The following BORA variants were observed in gnomAD, a reference collection of about 807,000 sequenced individuals.
The protein encoded by BORA is protein aurora borealis.
BORA carries 26 observed loss-of-function variants against 55.8 expected under a neutral mutation model. The observed-to-expected ratio is 0.47, with a 90% CI of 0.34 to 0.65. The LOEUF (loss-of-function observed/expected upper bound fraction) is 0.65. Among genes scored for constraint, BORA ranks in the 30% least tolerant of loss-of-function variants. The pLI is 0.01. For synonymous variants in BORA, 201 were observed against 216.9 expected, an observed-to-expected ratio of 0.93 and a Z score of 0.64; for missense variants, 568 against 671.5, an observed-to-expected ratio of 0.85 and a Z score of 1.70.
chr13:72,741,856 GAT>G (rs1335837993), intron 5 of BORA, among the ~76,000 whole-genome samples: 5 of 152,144 alleles, frequency 3.3e-5, no homozygotes, highest in African/African-American at 1.2e-4. Context: ...GAGAGCATAA[GAT>G]AATACCTAGA....
At chr13:72,755,044 GT>G in intron 11 of BORA, 106 bp from the exon 12 acceptor site, 3 of 843,128 alleles carry the variant, frequency 3.6e-6, no homozygotes, top group Non-Finnish European at 5.9e-6. Flanking sequence ...TCCCTTCAGA[GT>G]TCAGCTAAAG....
chr13:72,744,652 G>A (rs1244232331), intron 7 of BORA, 91 bp downstream of exon 7: 6 of 956,020 alleles, frequency 6.3e-6, no homozygotes, highest in Non-Finnish European at 9.6e-6. Flanking sequence ...GGAAATATGT[G>A]GCAGTGCCTC....
chr13:72,754,043 G>A, intron 11 of BORA: 1 of 434,794 alleles, frequency 2.3e-6, no homozygotes, highest in Non-Finnish European at 4.0e-6. Flanking sequence ...TGTATTTGAT[G>A]AGGGCATTTA....
chr13:72,733,562 A>G (rs1022436352), intron 3 of BORA, among the ~76,000 whole-genome samples: 3 of 152,224 alleles, frequency 2.0e-5, no homozygotes, highest in African/African-American at 7.2e-5. Flanking sequence ...CTGATGAAGT[A>G]GCAAAAGGTT....
At chr13:72,728,732 C>T (rs926007812) in intron 1 of BORA, among the ~76,000 whole-genome samples, 194 bp from the exon 2 acceptor site, 2 of 152,110 alleles carry the variant, frequency 1.3e-5, no homozygotes, top group African/African-American at 4.8e-5. Flanking sequence ...ACTGCTATAG[C>T]TTTCAAGGTT....
intron 4 of BORA, among the ~76,000 whole-genome samples, chr13:72,736,534 T>G (rs2032931649): frequency 6.6e-6 from 1 of 152,184 alleles, no homozygotes; most frequent in Non-Finnish European, 1.5e-5. Flanking sequence ...CTTAGAAATT[T>G]TTGATAACCA....
chr13:72,746,795 G>GT lies in BORA; in HGVS notation c.1167dup (p.Asn390Ter). ...GCTGGAATACACCTACGGCAGTTTA[G>GT]TAATGAGGCTTCTACCCATGGTACA... is the stretch of plus-strand genomic sequence containing the variant. On this transcript the variant is annotated frameshift_variant, in exon 10 of 12. Coordinates refer to ENST00000390667, the MANE Select transcript of BORA (RefSeq NM_024808.5). LOFTEE classifies it high-confidence loss of function. 6.2e-7 allele frequency: 1 copy of GT among 1,614,146 alleles called. No individual in the cohort carries two copies. The highest frequency in any genetic ancestry group is 8.5e-7 in the Non-Finnish European group (1 of 1,180,002).
At chr13:72,742,850 T>C (rs1314850679) in intron 5 of BORA, among the ~76,000 whole-genome samples, 1 of 151,882 alleles carries the variant, frequency 6.6e-6, no homozygotes, top group African/African-American at 2.4e-5. Flanking sequence ...AGAGGAAATT[T>C]TGTCATTTGT....
chr13:72,734,057 G>A (rs762261291), intron 3 of BORA, among the ~76,000 whole-genome samples: 2 of 152,134 alleles, frequency 1.3e-5, no homozygotes, highest in Non-Finnish European at 2.9e-5. Flanking sequence ...GCCTGGTGGA[G>A]GGTGAGAGGA....
intron 11 of BORA, 85 bp downstream of exon 11, chr13:72,753,906 A>AT (rs2033356204): frequency 6.2e-6 from 8 of 1,282,432 alleles, no homozygotes; most frequent in Non-Finnish European, 8.6e-6. Context: ...AGTACTATTG[A>AT]GAAACTATAT....
chr13:72,728,397 T>C (rs1001013345), intron 1 of BORA: 1 of 595,608 alleles, frequency 1.7e-6, no homozygotes, highest in Admixed American at 3.0e-5. Flanking sequence ...TCCTAGCCCC[T>C]GTCAATCATA....
At chr13:72,746,240 G>T (rs528576024) in intron 9 of BORA, among the ~76,000 whole-genome samples, 164 bp downstream of exon 9, 226 of 152,246 alleles carry the variant, frequency 1.5e-3, no homozygotes, top group Non-Finnish European at 2.9e-3. Flanking sequence ...TACCTTCAAA[G>T]GCTGGAATTC....
At chr13:72,753,608 G>A (rs1270423950) in intron 10 of BORA, 82 bp from the exon 11 acceptor site, 2 of 1,383,434 alleles carry the variant, frequency 1.4e-6, no homozygotes, top group African/African-American at 2.9e-5. Flanking sequence ...TGTAGTGAAT[G>A]AGAGTTTATA....
In BORA at chr13:72,729,092, C is replaced by A. The variant is rs767808127; in HGVS notation, c.152C>A (p.Pro51Gln). ...SPSVFKSTKL[P>Q]TPGKFRWSID... ...TCTGTTTTTAAATCAACAAAATTAC[C>A]AGTAAGTTATTCCTGACTAGTGTTT... The change falls in exon 2 of 12, where the codon CCA becomes CAA. Residue 51 changes from proline (P) to glutamine (Q), a missense_variant and splice_region_variant. Coordinates refer to ENST00000390667, the MANE Select transcript of BORA (RefSeq NM_024808.5). 3 of 1,550,472 alleles carry A rather than the reference C, an allele frequency of 1.9e-6. No homozygotes were observed. The highest frequency in any genetic ancestry group is 2.6e-6 in the Non-Finnish European group (3 of 1,154,162).
chr13:72,729,653 T>G (rs566554917), intron 2 of BORA, among the ~76,000 whole-genome samples: 1 of 152,364 alleles, frequency 6.6e-6, no homozygotes, highest in African/African-American at 2.4e-5. Flanking sequence ...CCATAGGCAA[T>G]GTGTAAAGAG....
chr13:72,735,412 T>C (rs980982537), intron 4 of BORA, among the ~76,000 whole-genome samples: 1 of 152,178 alleles, frequency 6.6e-6, no homozygotes, highest in Non-Finnish European at 1.5e-5. Flanking sequence ...AGAGTCTAGA[T>C]TGGCATTGGG....
chr13:72,746,531 A>G lies in BORA; in HGVS notation c.902A>G (p.Asp301Gly), dbSNP rs369493811. The change falls in exon 10 of 12, where the codon GAT becomes GGT. Residue 301 changes from aspartate to glycine, a missense_variant. By Grantham distance (94) the Asp-to-Gly change is moderately conservative. Transcript: ENST00000390667. ...AGGAAGTTTACTGTTCATTCTCCTG[A>G]TGCTTCATCTGGAACAAATTCTAAT... ...EQRKFTVHSPDASSGTNSNGI... is the reference protein window; with the variant it reads ...EQRKFTVHSPGASSGTNSNGI... 1.4e-4 allele frequency: 232 copies of G among 1,613,242 alleles called. No individual in the cohort carries two copies. Among genetic ancestry groups the G allele is most frequent in the Admixed American group, 3.7e-4 (22 of 59,968 alleles).
intron 10 of BORA, chr13:72,753,041 T>G (rs1177966417): frequency 6.6e-6 from 1 of 152,206 alleles, no homozygotes; most frequent in African/African-American, 2.4e-5. Context: ...CTTAATTTCC[T>G]TCTCTAGTAA....
chr13:72,754,894 G>T (rs114754562), intron 11 of BORA: 6,603 of 332,546 alleles, frequency 0.02, 258 homozygotes, highest in African/African-American at 0.071. Context: ...TAAAATTTTT[G>T]GTAGAGACAG....
Sources: gnomAD v4.1 joint callset for allele counts (sites outside exome capture counted in the v4.1 genomes callset) on GRCh38, gnomAD v4.1.1 for gene constraint, MANE v1.5 for transcripts, NCBI Gene and HGNC (gene_info 2026-07-23, HGNC 2026-07-21) for gene names.